PCNX2: variants seen among roughly 807,000 people sequenced by gnomAD.
PCNX2 encodes the protein pecanex 2.
In PCNX2, 168 loss-of-function variants were observed where a neutral mutation model predicts 223.8. That is an observed-to-expected ratio of 0.75 (90% CI 0.66 to 0.85). The LOEUF is 0.85. Ranked by LOEUF, PCNX2 falls within the 40% of genes least tolerant of loss-of-function variation. The probability of loss-of-function intolerance (pLI) is 0.00; values close to 1 mark genes in which losing one functional copy is unlikely to be tolerated. For missense variants in PCNX2, 2,507 were observed against 2,675.5 expected (o/e 0.94, Z 1.39); for synonymous variants, 1,006 against 1,052.6 (o/e 0.96, Z 0.86).
chr1:233,226,727 T>C (rs1246451934), intron 10 of PCNX2, among the ~76,000 whole-genome samples: 4 of 152,144 alleles, frequency 2.6e-5, no homozygotes, highest in Non-Finnish European at 5.9e-5. Context: ...CAAGTGAGTG[T>C]ACATCAGATA....
intron 26 of PCNX2, among the ~76,000 whole-genome samples, chr1:233,022,852 C>A (rs1670945486): frequency 6.6e-6 from 1 of 151,902 alleles, no homozygotes; most frequent in Admixed American, 6.6e-5. Flanking sequence ...CTTGTGCCAC[C>A]ACATCCAGTT....
chr1:233,021,403 A>G (rs1670884968), intron 26 of PCNX2, among the ~76,000 whole-genome samples: 4 of 152,324 alleles, frequency 2.6e-5, no homozygotes, highest in South Asian at 2.1e-4. Context: ...ATTAAACAAT[A>G]TAAGTCCTTG....
At chr1:233,015,557 G>T (rs753151824) in intron 27 of PCNX2, among the ~76,000 whole-genome samples, 4 of 152,128 alleles carry the variant, frequency 2.6e-5, no homozygotes, top group Non-Finnish European at 5.9e-5. Flanking sequence ...AAATTAGCCA[G>T]GCATGGTGGT....
At chr1:233,114,413 G>A (rs995834319) in intron 21 of PCNX2, among the ~76,000 whole-genome samples, 5 of 152,222 alleles carry the variant, frequency 3.3e-5, no homozygotes, top group African/African-American at 1.2e-4. Context: ...GAGGAGGTCA[G>A]AGCAAGAACG....
chr1:233,265,873 T>G (rs12124678), intron 1 of PCNX2, among the ~76,000 whole-genome samples: 1 of 152,220 alleles, frequency 6.6e-6, no homozygotes, highest in African/African-American at 2.4e-5. Flanking sequence ...AAAACTGGCA[T>G]GCCCCAATAT....
At chr1:233,316,107 G>T in the PCNX2 span, among the ~76,000 whole-genome samples, 3 of 152,324 alleles carry the variant, frequency 2.0e-5, no homozygotes, top group African/African-American at 7.2e-5. Context: ...ATTGAATGAA[G>T]TAGCTCATTG....
At chr1:233,233,423 CCTGTGTGT>C (rs1299093039) in intron 9 of PCNX2, among the ~76,000 whole-genome samples, 2 of 115,490 alleles carry the variant, frequency 1.7e-5, no homozygotes, top group African/African-American at 7.1e-5. Context: ...CTCCTCTTCT[CCTGTGTGT>C]GTGTGTGTGT....
At chr1:233,017,371 G>A (rs1288371263) in intron 26 of PCNX2, among the ~76,000 whole-genome samples, 2 of 135,814 alleles carry the variant, frequency 1.5e-5, no homozygotes, top group Non-Finnish European at 1.5e-5. Context: ...AGGCTGGAGT[G>A]CAGCGGTGCG....
Position 233,258,716 on chromosome 1 carries a change from A to T in PCNX2, c.1146T>A (p.Ser382Arg). ...EPIKIVITMS[S>R]TPNSMTDLES... ...CCAAATCTGTCATGGAGTTTGGGGTACTGCTCATCGTGATAACAATTTTTA... is the reference window on the plus strand; with the variant it reads ...CCAAATCTGTCATGGAGTTTGGGGTTCTGCTCATCGTGATAACAATTTTTA... Residue 382 changes from serine (S) to arginine (R), a missense_variant, in exon 5 of 34, where the codon AGT becomes AGA. By Grantham distance (110) the Ser-to-Arg change is moderately radical (BLOSUM62 -1). Transcript: ENST00000258229. 1.9e-6 allele frequency: 3 copies of T among 1,613,924 alleles called. No individual in the cohort carries two copies. Among genetic ancestry groups the T allele is most frequent in the Non-Finnish European group, 2.5e-6 (3 of 1,179,876 alleles).
chr1:233,035,127 C>T (rs1671408726), intron 25 of PCNX2, among the ~76,000 whole-genome samples: 2 of 152,150 alleles, frequency 1.3e-5, no homozygotes, highest in South Asian at 4.1e-4. Flanking sequence ...TAAACATGGT[C>T]CCCTGCAACA....
At chr1:233,057,108 C>T in intron 24 of PCNX2, 124 bp downstream of exon 24, 3 of 860,404 alleles carry the variant, frequency 3.5e-6, no homozygotes, top group Non-Finnish European at 3.5e-6. Context: ...ATTCCACATT[C>T]AGCAGATTAA....
intron 31 of PCNX2, 117 bp from the exon 32 acceptor site, chr1:232,998,555 C>A (rs1669959229): frequency 7.6e-6 from 8 of 1,055,634 alleles, no homozygotes; most frequent in Non-Finnish European, 1.1e-5. Context: ...AGGTGAGTAG[C>A]CCACCTGGCA....
intron 25 of PCNX2, among the ~76,000 whole-genome samples, chr1:233,041,341 G>C (rs1179688339): frequency 6.6e-6 from 1 of 152,150 alleles, no homozygotes; most frequent in South Asian, 2.1e-4. Context: ...AATCTTAAAT[G>C]CTCCAAAATC....
chr1:233,268,485 T>C (rs76718591), intron 1 of PCNX2, among the ~76,000 whole-genome samples: 15,074 of 152,192 alleles, frequency 0.099, 909 homozygotes, highest in South Asian at 0.19. Flanking sequence ...AAGGGTACTT[T>C]ATCACTCGGC....
intron 25 of PCNX2, chr1:233,031,792 T>A: frequency 1.0e-6 from 1 of 984,024 alleles, no homozygotes; most frequent in African/African-American, 1.7e-5. Flanking sequence ...ATTCTTTTTT[T>A]TTTTTTTTTT....
At position 233,259,137 on chromosome 1, in the gene PCNX2, C is replaced by A; in HGVS notation, c.725G>T (p.Arg242Ile). 1 of 1,614,020 alleles carries A rather than the reference C, an allele frequency of 6.2e-7. No individual in the cohort carries two copies. The highest frequency in any genetic ancestry group is 8.5e-7 in the Non-Finnish European group (1 of 1,179,890). Residue 242 changes from arginine (R) to isoleucine (I), a missense_variant, in exon 5 of 34, where the codon AGA becomes ATA. Coordinates refer to ENST00000258229, the MANE Select transcript of PCNX2 (RefSeq NM_014801.4). ...CTTATCCACTAAGCCACCCTCGGATCTGTGGCGCAAAGGAGGCTGCCCCTT... is the reference window on the plus strand; with the variant it reads ...CTTATCCACTAAGCCACCCTCGGATATGTGGCGCAAAGGAGGCTGCCCCTT... ...GGKGQPPLRH[R>I]SEGGLVDKGP...
At chr1:232,995,839 G>A (rs576120047) in intron 32 of PCNX2, among the ~76,000 whole-genome samples, 97 of 152,262 alleles carry the variant, frequency 6.4e-4, no homozygotes, top group African/African-American at 2.2e-3. Flanking sequence ...TCCAGGTGCT[G>A]TTTTATAGGA....
chr1:233,240,070 T>C (rs1658662796), intron 8 of PCNX2, among the ~76,000 whole-genome samples: 2 of 152,242 alleles, frequency 1.3e-5, no homozygotes, highest in South Asian at 2.1e-4. Context: ...CATGTGTATA[T>C]GGGCTCTCCA....
chr1:233,123,367 G>C (rs1303725217), intron 21 of PCNX2, among the ~76,000 whole-genome samples: 1 of 152,132 alleles, frequency 6.6e-6, no homozygotes, highest in African/African-American at 2.4e-5. Context: ...GGATCACGAG[G>C]TCAGGAGTTC....
Sources: gnomAD v4.1 joint callset for allele counts (sites outside exome capture counted in the v4.1 genomes callset) on GRCh38, gnomAD v4.1.1 for gene constraint, MANE v1.5 for transcripts, NCBI Gene and HGNC (gene_info 2026-07-23, HGNC 2026-07-21) for gene names.